The following SACM1L variants were observed in gnomAD, a reference collection of about 807,000 sequenced individuals.
SACM1L encodes the protein SAC1 like phosphatidylinositide phosphatase, also known as phosphatidylinositol-3-phosphatase SAC1.
In SACM1L, 32 loss-of-function variants were observed where a neutral mutation model predicts 89.5. That is an observed-to-expected ratio of 0.36 (90% confidence interval 0.27 to 0.48). The LOEUF is 0.48. SACM1L is among the 20% of genes least tolerant of loss of function. The probability of loss-of-function intolerance (pLI) is 0.99; values close to 1 mark genes in which losing one functional copy is unlikely to be tolerated. For missense variants in SACM1L, 543 were observed against 708.5 expected (o/e 0.77, Z 2.65); for synonymous variants, 213 against 232.8 (o/e 0.92, Z 0.77).
At chr3:45,743,410 C>G in intron 19 of SACM1L, 123 bp from the exon 20 acceptor site, 3 of 997,892 alleles carry the variant, frequency 3.0e-6, no homozygotes. Context: ...TTAAGAGGTT[C>G]TTATATTTTT....
At position 45,735,253 on chromosome 3, in the gene SACM1L, T is replaced by A. The variant is rs200647282; in HGVS notation, c.1119T>A (p.Ser373=). The A allele has an allele frequency of 3.1e-5, 50 of 1,612,490 alleles. No homozygotes were observed. Among genetic ancestry groups the A allele is most frequent in the Non-Finnish European group, 4.2e-6 (5 of 1,179,648 alleles). Residue 373 remains serine (S), a synonymous_variant, in exon 14 of 20, where the codon TCT becomes TCA. Coordinates refer to ENST00000389061, the MANE Select transcript of SACM1L (RefSeq NM_014016.5). The stretch of plus-strand genomic sequence containing the variant: ...GTTTTAGTTATTTTCTAGTGGACTC[T>A]GCTGGCCAGGTGGTGGCAAACCAGG... ...QDELSYFLVD[S]AGQVVANQEG...
At chr3:45,724,298 GGTGTGTGTGTGTGTGTGT>G (rs61075879) in intron 11 of SACM1L, among the ~76,000 whole-genome samples, 1 of 139,716 alleles carries the variant, frequency 7.2e-6, no homozygotes, top group African/African-American at 2.7e-5. Flanking sequence ...GTTGTTTTCT[GGTGTGTGTGTGTGTGTGT>G]GTGTGTGTGT....
chr3:45,692,671 T>C (rs1366662049), intron 1 of SACM1L, among the ~76,000 whole-genome samples: 2 of 152,234 alleles, frequency 1.3e-5, no homozygotes, highest in Non-Finnish European at 2.9e-5. Context: ...AGAAATGTTT[T>C]CTTTCCATGT....
Position 45,713,208 on chromosome 3 carries a change from G to A in SACM1L, c.543+12G>A, listed in dbSNP as rs777376228. ...CTGCACAGCCAGAGGTAATGTACAC[G>A]AAATAAAATCTGCTTAATTGTTACA... On this transcript the variant is annotated intron_variant, in intron 6 of 19. Transcript: ENST00000389061. The A allele has an allele frequency of 1.7e-5, 28 of 1,603,016 alleles. No homozygotes were observed. The highest frequency in any genetic ancestry group is 3.4e-5 in the Admixed American group (2 of 59,448).
intron 1 of SACM1L, among the ~76,000 whole-genome samples, chr3:45,695,353 C>T (rs1698095197): frequency 6.6e-6 from 1 of 152,044 alleles, no homozygotes; most frequent in Non-Finnish European, 1.5e-5. Context: ...CACCACCTCC[C>T]AGGTTCAAGT....
At position 45,743,744 on chromosome 3, in the gene SACM1L, C is replaced by T; in HGVS notation, c.*75C>T. Reference sequence around the variant, plus strand: ...ACTGGAGTCTTTACTGACCCGCTTTCCACATCAGCCCAAGGTCTTTTTAAT... The same window carrying T: ...ACTGGAGTCTTTACTGACCCGCTTTTCACATCAGCCCAAGGTCTTTTTAAT... On this transcript the variant is annotated 3_prime_UTR_variant, in exon 20 of 20. Coordinates refer to ENST00000389061, the MANE Select transcript of SACM1L (RefSeq NM_014016.5). The T allele has an allele frequency of 1.3e-6, 2 of 1,489,688 alleles. No homozygotes were observed. The highest frequency in any genetic ancestry group is 1.8e-6 in the Non-Finnish European group (2 of 1,108,972). The allele number at this position is 1,489,688 out of a possible 1,614,324, so 92.3% of individuals were successfully genotyped here. A position where few individuals can be genotyped will look rare whatever the true frequency, so the allele number is the denominator to read the frequency against.
intron 1 of SACM1L, among the ~76,000 whole-genome samples, chr3:45,696,667 A>G (rs1423318761): frequency 6.6e-6 from 1 of 151,186 alleles, no homozygotes; most frequent in Non-Finnish European, 1.5e-5. Context: ...TTTTCCTTCT[A>G]GATAATAGCC....
Position 45,736,300 on chromosome 3 carries a change from A to G in SACM1L, c.1239+927A>G, listed in dbSNP as rs1275728007. 2.0e-5 allele frequency among the ~76,000 whole-genome samples: 3 copies of G among 152,154 alleles called. No homozygotes were observed. The East Asian group carries it at 5.8e-4, about 29-fold the overall frequency. The stretch of plus-strand genomic sequence containing the variant: ...TGACACAGCTTTGCTTTACCACTAG[A>G]CTATGCTGTTGAGAAAAATGGTTTT... On this transcript the variant is annotated intron_variant, in intron 14 of 19. Transcript: ENST00000389061.
At chr3:45,710,201 C>CTT (rs556443344) in intron 5 of SACM1L, among the ~76,000 whole-genome samples, 1 of 142,396 alleles carries the variant, frequency 7.0e-6, no homozygotes, top group South Asian at 2.2e-4. Flanking sequence ...TTTTATTTTG[C>CTT]TTTTTTTTTT....
rs2125695486 is a variant in SACM1L at position 45,719,392 on chromosome 3, T to A, written c.578-108T>A. The A allele has an allele frequency of 1.0e-5, 6 of 584,254 alleles. No individual in the cohort carries two copies. In the East Asian group the frequency reaches 1.5e-4, roughly 15 times the overall value. 36.2% of individuals were successfully genotyped at this position (584,254 alleles called of 1,614,324 possible). A position where few individuals can be genotyped will look rare whatever the true frequency, so the allele number is the denominator to read the frequency against. ...ATATTCATGAAGATTTGTATACTCTTGTCATTTTTTCTCTTAAAGACCATC... is the reference window on the plus strand; with the variant it reads ...ATATTCATGAAGATTTGTATACTCTAGTCATTTTTTCTCTTAAAGACCATC... On this transcript the variant is annotated intron_variant, in intron 7 of 19. Coordinates refer to ENST00000389061, the MANE Select transcript of SACM1L (RefSeq NM_014016.5).
chr3:45,704,487 TTGTC>T (rs1698341164), intron 2 of SACM1L, among the ~76,000 whole-genome samples: 2 of 152,284 alleles, frequency 1.3e-5, no homozygotes, highest in South Asian at 2.1e-4. Context: ...CATTTCCTAT[TTGTC>T]TGTTGCTTGG....
rs189289476 is a variant in SACM1L at position 45,700,063 on chromosome 3, A to T, written c.33-3375A>T. On this transcript the variant is annotated intron_variant, in intron 1 of 19. Transcript: ENST00000389061. ...AGGTGAGGAGAGTTTAAATGCATTT[A>T]TGTAAATACAGGTGGTCAGAGTGTA... Among the ~76,000 whole-genome samples, 116 of 152,294 alleles carry T rather than the reference A, an allele frequency of 7.6e-4. 1 individual carries two copies. The highest frequency in any genetic ancestry group is 6.0e-3 in the South Asian group (29 of 4,828).
At chr3:45,740,311 G>A (rs1699287738) in intron 19 of SACM1L, among the ~76,000 whole-genome samples, 1 of 152,200 alleles carries the variant, frequency 6.6e-6, no homozygotes, top group African/African-American at 2.4e-5. Flanking sequence ...TCTTGTCTTT[G>A]TCCCATACCT....
At chr3:45,697,872 C>T (rs1221990934) in intron 1 of SACM1L, among the ~76,000 whole-genome samples, 3 of 152,156 alleles carry the variant, frequency 2.0e-5, no homozygotes, top group Non-Finnish European at 4.4e-5. Context: ...TACAGTATTA[C>T]TTTGAACCTT....
At chr3:45,731,967 G>A (rs945163942) in intron 12 of SACM1L, 86 bp from the exon 13 acceptor site, 10 of 783,596 alleles carry the variant, frequency 1.3e-5, no homozygotes, top group African/African-American at 1.7e-5. Context: ...CTGATATAAA[G>A]AGGAAAATCA....
chr3:45,714,099 C>T lies in SACM1L; in HGVS notation c.577+20C>T. 2 of 1,486,890 alleles carry T rather than the reference C, an allele frequency of 1.3e-6. No homozygotes were observed. The highest frequency in any genetic ancestry group is 1.4e-5 in the South Asian group (1 of 69,946). The allele number at this position is 1,486,890 out of a possible 1,614,324, so 92.1% of individuals were successfully genotyped here. A position where few individuals can be genotyped will look rare whatever the true frequency, so the allele number is the denominator to read the frequency against. On this transcript the variant is annotated intron_variant, in intron 7 of 19. Transcript: ENST00000389061. ...ATGGCTGTATCCTTACATGATATTA[C>T]TCTTTAGTTTCTAGATGCCTTTATT... is the stretch of plus-strand genomic sequence containing the variant.
intron 1 of SACM1L, 178 bp downstream of exon 1, chr3:45,689,675 C>T (rs1697920688): frequency 4.3e-6 from 3 of 703,978 alleles, no homozygotes; most frequent in South Asian, 3.6e-5. Context: ...AGCCATAGGC[C>T]GGGAACCAGC....
chr3:45,722,507 A>G (rs548042699), intron 9 of SACM1L, among the ~76,000 whole-genome samples: 25 of 152,322 alleles, frequency 1.6e-4, no homozygotes, highest in African/African-American at 6.0e-4. Flanking sequence ...ATACATTCAT[A>G]TGTTCATAAA....
At chr3:45,704,486 T>C (rs771564041) in intron 2 of SACM1L, among the ~76,000 whole-genome samples, 1 of 152,212 alleles carries the variant, frequency 6.6e-6, no homozygotes, top group Non-Finnish European at 1.5e-5. Context: ...ACATTTCCTA[T>C]TTGTCTGTTG....
Sources: gnomAD v4.1 joint callset for allele counts (sites outside exome capture counted in the v4.1 genomes callset) on GRCh38, gnomAD v4.1.1 for gene constraint, MANE v1.5 for transcripts, NCBI Gene and HGNC (gene_info 2026-07-23, HGNC 2026-07-21) for gene names.